The following AKAP12 variants were observed in gnomAD, a reference collection of about 807,000 sequenced individuals.
The protein encoded by AKAP12 is A-kinase anchoring protein 12.
AKAP12 carries 32 observed loss-of-function variants against 79.9 expected under a neutral mutation model. The observed-to-expected ratio is 0.40, with a 90% CI of 0.30 to 0.54. The LOEUF (loss-of-function observed/expected upper bound fraction) is 0.54. AKAP12 is among the 20% of genes least tolerant of loss of function. The probability of loss-of-function intolerance (pLI) is 0.48; values close to 1 mark genes in which losing one functional copy is unlikely to be tolerated. For missense variants in AKAP12, 2,074 were observed against 2,177.0 expected (o/e 0.95, Z 0.94); for synonymous variants, 808 against 857.0 (o/e 0.94, Z 1.00).
At position 151,350,527 on chromosome 6, in the gene AKAP12, G is replaced by C. The variant is rs2114826103; in HGVS notation, c.2136G>C (p.Gln712His). 6.2e-7 allele frequency: 1 copy of C among 1,614,120 alleles called. No individual in the cohort carries two copies. The highest frequency in any genetic ancestry group is 8.5e-7 in the Non-Finnish European group (1 of 1,180,026). Residue 712 changes from glutamine (Q) to histidine (H), a missense_variant, in exon 4 of 5, where the codon CAG becomes CAC. Physicochemically the swap from Gln to His is conservative, Grantham distance 24. Transcript: ENST00000402676. This position sits in a 1 kb window ranked among gnomAD's most constrained non-coding sequence, Gnocchi z 4.8. ...GGPKAMGGDH[Q>H]KADEAGKDKE... Reference sequence around the variant, plus strand: ...CAAAAGCAATGGGAGGAGACCACCAGAAAGCTGATGAGGCCGGAAAAGACA... The same window carrying C: ...CAAAAGCAATGGGAGGAGACCACCACAAAGCTGATGAGGCCGGAAAAGACA...
intron 3 of AKAP12, among the ~76,000 whole-genome samples, chr6:151,311,550 C>T (rs1296848267): frequency 1.3e-5 from 2 of 152,116 alleles, no homozygotes; most frequent in Non-Finnish European, 2.9e-5. Context: ...CAAAAACCCT[C>T]AAAATGCTGT....
Position 151,351,555 on chromosome 6 carries a change from A to G in AKAP12, c.3164A>G (p.Gln1055Arg). ...AVAEKVKEES[Q>R]LPGTGGPEDV... ...GCAGAAAAAGTGAAAGAGGAATCCC[A>G]GCTGCCTGGCACCGGTGGGCCAGAA... is the stretch of plus-strand genomic sequence containing the variant. The change falls in exon 4 of 5, where the codon CAG becomes CGG. Residue 1055 changes from glutamine to arginine, a missense_variant. Coordinates refer to ENST00000402676, the MANE Select transcript of AKAP12 (RefSeq NM_005100.4). This position sits in a 1 kb window ranked among gnomAD's most constrained non-coding sequence, Gnocchi z 4.4. The G allele has an allele frequency of 6.2e-7, 1 of 1,614,168 alleles. No homozygotes were observed. The highest frequency in any genetic ancestry group is 1.7e-5 in the Admixed American group (1 of 60,034).
intron 3 of AKAP12, among the ~76,000 whole-genome samples, chr6:151,332,930 C>T (rs983937871): frequency 6.6e-5 from 10 of 152,190 alleles, no homozygotes; most frequent in East Asian, 3.9e-4. Context: ...CGGATAGCAG[C>T]GTGTTTAAAA....
intron 2 of AKAP12, among the ~76,000 whole-genome samples, chr6:151,284,495 G>T (rs1776462665): frequency 6.6e-6 from 1 of 152,138 alleles, no homozygotes; most frequent in African/African-American, 2.4e-5. Flanking sequence ...GGGTGTGGCA[G>T]TGTGCGCCTG....
intron 3 of AKAP12, among the ~76,000 whole-genome samples, chr6:151,339,554 T>G (rs55697930): frequency 0.091 from 13,846 of 152,164 alleles, 926 homozygotes; most frequent in African/African-American, 0.18. Flanking sequence ...GAATGGGTCA[T>G]TTGTTACAAT....
rs375459657 is a variant in AKAP12 at position 151,255,303 on chromosome 6, T to C, written c.162+14579T>C. Among the ~76,000 whole-genome samples the C allele has an allele frequency of 2.2e-3, 329 of 152,106 alleles. 1 individual carries two copies. The highest frequency in any genetic ancestry group is 7.5e-3 in the African/African-American group (312 of 41,516). ...GCCTCAGCCTCCTGAGTAGCTGGGA[T>C]TACAGGCATGCACCACCACGCCGGC... is the stretch of plus-strand genomic sequence containing the variant. On this transcript the variant is annotated intron_variant, in intron 2 of 4. Transcript: ENST00000402676.
At chr6:151,295,927 G>T (rs1776714492) in intron 2 of AKAP12, among the ~76,000 whole-genome samples, 1 of 152,176 alleles carries the variant, frequency 6.6e-6, no homozygotes, top group Admixed American at 6.5e-5. Context: ...CCCCTTTTCT[G>T]AGTCCTTCAG....
chr6:151,278,949 G>A (rs1227404829), intron 2 of AKAP12, among the ~76,000 whole-genome samples: 1 of 152,184 alleles, frequency 6.6e-6, no homozygotes, highest in Non-Finnish European at 1.5e-5. Flanking sequence ...TTACAGGCAT[G>A]AGCCACCGCG....
intron 3 of AKAP12, among the ~76,000 whole-genome samples, chr6:151,339,559 T>TA (rs1777896762): frequency 6.6e-6 from 1 of 152,116 alleles, no homozygotes; most frequent in African/African-American, 2.4e-5. Context: ...GGTCATTTGT[T>TA]ACAATCAATG....
intron 2 of AKAP12, among the ~76,000 whole-genome samples, chr6:151,254,548 G>A (rs1359214638): frequency 1.3e-5 from 2 of 152,080 alleles, no homozygotes; most frequent in South Asian, 2.1e-4. Context: ...ACCGGGTTTC[G>A]CCAAGTTGGT....
Position 151,349,097 on chromosome 6 carries a change from A to G in AKAP12, c.706A>G (p.Thr236Ala). The change falls in exon 4 of 5, where the codon ACA becomes GCA. Residue 236 changes from threonine to alanine, a missense_variant. By Grantham distance (58) the Thr-to-Ala change is moderately conservative. Coordinates refer to ENST00000402676, the MANE Select transcript of AKAP12 (RefSeq NM_005100.4). ...ASKESEPKQSTEKPEETLKRE... is the reference protein window; with the variant it reads ...ASKESEPKQSAEKPEETLKRE... ...CAAAGAAAGCGAACCCAAACAATCT[A>G]CAGAGAAACCCGAAGAGACCCTGAA... 1 of 1,612,502 alleles carries G rather than the reference A, an allele frequency of 6.2e-7. No homozygotes were observed. The highest frequency in any genetic ancestry group is 8.5e-7 in the Non-Finnish European group (1 of 1,179,684).
intron 2 of AKAP12, among the ~76,000 whole-genome samples, chr6:151,276,780 C>T (rs1004929045): frequency 2.0e-5 from 3 of 152,208 alleles, no homozygotes; most frequent in Admixed American, 6.5e-5. Context: ...TTATCACGAT[C>T]GTATGCTTTT....
In AKAP12 at chr6:151,260,446, T is replaced by G. The variant is rs565827287; in HGVS notation, c.162+19722T>G. Among the ~76,000 whole-genome samples, 27 of 152,310 alleles carry G rather than the reference T, an allele frequency of 1.8e-4. No homozygotes were observed. The East Asian group carries it at 5.0e-3, about 28-fold the overall frequency. On this transcript the variant is annotated intron_variant, in intron 2 of 4. Coordinates refer to ENST00000402676, the MANE Select transcript of AKAP12 (RefSeq NM_005100.4). ...GCCGAATAGGAGATGTCTCTCATTATTAACTTCTGGGATGTCAGACAGCTC... is the reference window on the plus strand; with the variant it reads ...GCCGAATAGGAGATGTCTCTCATTAGTAACTTCTGGGATGTCAGACAGCTC...
intron 3 of AKAP12, among the ~76,000 whole-genome samples, chr6:151,336,212 A>G (rs779318620): frequency 2.0e-5 from 3 of 152,224 alleles, no homozygotes; most frequent in Admixed American, 1.3e-4. Context: ...TAGTGTGAAT[A>G]GTGCTGCAAG....
chr6:151,240,819 T>A lies in AKAP12; in HGVS notation c.162+95T>A, dbSNP rs900111672. ...TCCCTCCGATTTCCGCCGAGAGAAC[T>A]TCCCAGCCCATCCAGCCGCATCTGC... On this transcript the variant is annotated intron_variant, in intron 2 of 4. Coordinates refer to ENST00000402676, the MANE Select transcript of AKAP12 (RefSeq NM_005100.4). 7 of 980,538 alleles carry A rather than the reference T, an allele frequency of 7.1e-6. No homozygotes were observed. In the African/African-American group the frequency reaches 1.2e-4, roughly 17 times the overall value. The allele number at this position is 980,538 out of a possible 1,614,324, so 60.7% of individuals were successfully genotyped here.
rs1008421018 is a variant in AKAP12, at chr6:151,357,992, T to C, written c.*2278T>C. ...GCCATCACAGTTGCGATTCCATGAG[T>C]AGCTGCTTTATGACTGCTTTTTGTA... is the stretch of plus-strand genomic sequence containing the variant. On this transcript the variant is annotated 3_prime_UTR_variant, in exon 5 of 5. Transcript: ENST00000402676. 8.5e-5 allele frequency: 13 copies of C among 152,152 alleles called. No individual in the cohort carries two copies. Among genetic ancestry groups the C allele is most frequent in the Non-Finnish European group, 1.6e-4 (11 of 68,038 alleles). 9.4% of individuals were successfully genotyped at this position (152,152 alleles called of 1,614,324 possible). A position where few individuals can be genotyped will look rare whatever the true frequency, so the allele number is the denominator to read the frequency against.
At position 151,352,558 on chromosome 6, in the gene AKAP12, C is replaced by T. The variant is rs1271600913; in HGVS notation, c.4167C>T (p.Val1389=). The T allele has an allele frequency of 2.5e-6, 4 of 1,614,160 alleles. No homozygotes were observed. The South Asian group carries it at 3.3e-5, about 13-fold the overall frequency. Residue 1389 remains valine, a synonymous_variant, in exon 4 of 5, where the codon GTC becomes GTT. Coordinates refer to ENST00000402676, the MANE Select transcript of AKAP12 (RefSeq NM_005100.4). ...CCATCATAGATGGGGCAAAGGAAGT[C>T]AGCAGTTTGGAAGGAAGCCCTCCTC... ...NVPIIDGAKE[V]SSLEGSPPPC...
chr6:151,305,036 G>A (rs765104581), intron 2 of AKAP12, among the ~76,000 whole-genome samples: 15 of 152,178 alleles, frequency 9.9e-5, no homozygotes, highest in Non-Finnish European at 1.6e-4. Flanking sequence ...ACTGGCCTTC[G>A]CGCCAAGCGG....
At chr6:151,243,266 G>T (rs1052302436) in intron 2 of AKAP12, among the ~76,000 whole-genome samples, 3 of 152,164 alleles carry the variant, frequency 2.0e-5, no homozygotes, top group Admixed American at 6.5e-5. Context: ...GGAGGTTTAG[G>T]CTAATACATC....
Sources: gnomAD v4.1 joint callset for allele counts (sites outside exome capture counted in the v4.1 genomes callset) on GRCh38, gnomAD v4.1.1 for gene constraint, Gnocchi (gnomAD v3.1) non-coding constraint, MANE v1.5 for transcripts, NCBI Gene and HGNC (gene_info 2026-07-23, HGNC 2026-07-21) for gene names.